Variants in TENM3 observed in about 807,000 individuals in gnomAD.
The protein encoded by TENM3 is teneurin transmembrane protein 3.
In TENM3, 63 loss-of-function variants were observed where a neutral mutation model predicts 255.1. The observed-to-expected ratio is 0.25, with a 90% CI of 0.20 to 0.30. The LOEUF is 0.30. Ranked by LOEUF, TENM3 falls within the 10% of genes least tolerant of loss-of-function variation. The pLI, the probability that TENM3 is intolerant of heterozygous loss-of-function variation, is 1.00. For missense variants in TENM3, 2,929 were observed against 3,461.1 expected, an observed-to-expected ratio of 0.85 and a Z score of 3.86; for synonymous variants, 1,306 against 1,322.3, an observed-to-expected ratio of 0.99 and a Z score of 0.27.
chr4:182,021,803 T>G, the TENM3 span, among the ~76,000 whole-genome samples: 1 of 152,186 alleles, frequency 6.6e-6, no homozygotes, highest in Non-Finnish European at 1.5e-5. Flanking sequence ...ATCTTGTACT[T>G]TCTCTCTTCA....
the TENM3 span, among the ~76,000 whole-genome samples, chr4:181,541,216 A>G: frequency 6.6e-6 from 1 of 152,066 alleles, no homozygotes; most frequent in Non-Finnish European, 1.5e-5. Flanking sequence ...TCTACAAAAA[A>G]TAAAAATTAA....
chr4:182,257,752 G>A (rs1020520152), intron 1 of TENM3, among the ~76,000 whole-genome samples: 8 of 152,120 alleles, frequency 5.3e-5, no homozygotes, highest in African/African-American at 1.4e-4. Context: ...TCATTTTACT[G>A]AAGAGAAATG....
chr4:181,754,953 C>T, the TENM3 span, among the ~76,000 whole-genome samples: 1 of 152,076 alleles, frequency 6.6e-6, no homozygotes, highest in Non-Finnish European at 1.5e-5. Flanking sequence ...ATCAAGGTCA[C>T]GTGTTTTGTT....
intron 7 of TENM3, among the ~76,000 whole-genome samples, chr4:182,679,450 G>A (rs1187826524): frequency 1.3e-5 from 2 of 152,142 alleles, no homozygotes; most frequent in African/African-American, 2.4e-5. Flanking sequence ...GGAAAAAAAT[G>A]GTCCCTGATG....
intron 18 of TENM3, among the ~76,000 whole-genome samples, chr4:182,738,978 G>T (rs1761396289): frequency 6.6e-6 from 1 of 151,928 alleles, no homozygotes; most frequent in Admixed American, 6.6e-5. Flanking sequence ...AAAAAATCAT[G>T]TGACTTCACC....
chr4:182,065,904 A>G, the TENM3 span, among the ~76,000 whole-genome samples: 1 of 152,228 alleles, frequency 6.6e-6, no homozygotes. Flanking sequence ...GCTGCTAGCT[A>G]GGACTGTGAT....
At chr4:182,048,363 G>T in the TENM3 span, among the ~76,000 whole-genome samples, 8 of 151,598 alleles carry the variant, frequency 5.3e-5, no homozygotes, top group Non-Finnish European at 1.5e-5. Context: ...TTCTTTTCTC[G>T]TTTTCCTAAG....
chr4:182,359,804 T>G (rs1765832892), intron 3 of TENM3, among the ~76,000 whole-genome samples: 1 of 152,102 alleles, frequency 6.6e-6, no homozygotes, highest in Non-Finnish European at 1.5e-5. Context: ...TTCTTTTAAT[T>G]GTGATGTTAG....
intron 1 of TENM3, among the ~76,000 whole-genome samples, chr4:182,176,171 G>A (rs1033166502): frequency 9.2e-5 from 14 of 151,858 alleles, no homozygotes; most frequent in Admixed American, 3.9e-4. Context: ...GTAGGGCCTC[G>A]TCTATAGAAG....
In TENM3 at chr4:182,379,351, C is replaced by T. The variant is rs139485220; in HGVS notation, c.511+32422C>T. 7.0e-3 allele frequency among the ~76,000 whole-genome samples: 1,058 copies of T among 152,050 alleles called. 10 individuals carry two copies. The highest frequency in any genetic ancestry group is 0.025 in the African/African-American group (1,018 of 41,454). ...CAGCCTGGGCAATAGAGCGAGACTC[C>T]GTCTAAGAAAGAAAAAAGGGTATTG... On this transcript the variant is annotated intron_variant, in intron 3 of 27. Transcript: ENST00000511685.
chr4:181,747,875 C>T, the TENM3 span, among the ~76,000 whole-genome samples: 1 of 151,892 alleles, frequency 6.6e-6, no homozygotes, highest in South Asian at 2.1e-4. Context: ...AAATAGTTAA[C>T]TAGTTTTTTA....
the TENM3 span, among the ~76,000 whole-genome samples, chr4:181,888,202 G>T: frequency 4.0e-5 from 6 of 151,692 alleles, no homozygotes; most frequent in East Asian, 9.8e-4. Flanking sequence ...GCTAATTTTC[G>T]TATTTTTAGT....
chr4:181,465,378 T>G, the TENM3 span, among the ~76,000 whole-genome samples: 78,917 of 151,842 alleles, frequency 0.52, 21,310 homozygotes, highest in African/African-American at 0.65. Context: ...ACATTCTTCA[T>G]ACAGTTATCA....
At chr4:181,485,481 A>ATT in the TENM3 span, among the ~76,000 whole-genome samples, 48,600 of 150,794 alleles carry the variant, frequency 0.32, 7,959 homozygotes, top group Admixed American at 0.37. Flanking sequence ...GTAGAAGAAG[A>ATT]TTTTTTTTAA....
chr4:182,794,243 G>A (rs1479892975), intron 26 of TENM3, among the ~76,000 whole-genome samples: 1 of 152,140 alleles, frequency 6.6e-6, no homozygotes, highest in Non-Finnish European at 1.5e-5. Context: ...AGCTCTGTAA[G>A]CAAGCCATAT....
chr4:182,461,973 T>A (rs1288796398), intron 3 of TENM3, among the ~76,000 whole-genome samples: 1 of 152,142 alleles, frequency 6.6e-6, no homozygotes, highest in African/African-American at 2.4e-5. Context: ...CTTTGTCAAC[T>A]CTTGTCAACT....
In TENM3 at chr4:182,743,337, G is replaced by T; in HGVS notation, c.3547G>T (p.Asp1183Tyr). Residue 1183 changes from aspartate (D) to tyrosine (Y), a missense_variant, in exon 19 of 28, where the codon GAT becomes TAT. Transcript: ENST00000511685. The part of the protein sequence containing the change: ...LAPVALACGI[D>Y]GSLYVGDFNY... ...CCCAGTGGCGCTAGCTTGTGGGATCGATGGCAGTCTGTACGTAGGCGATTT... is the reference window on the plus strand; with the variant it reads ...CCCAGTGGCGCTAGCTTGTGGGATCTATGGCAGTCTGTACGTAGGCGATTT... The T allele has an allele frequency of 1.2e-6, 2 of 1,613,980 alleles. No individual in the cohort carries two copies. Among genetic ancestry groups the T allele is most frequent in the Non-Finnish European group, 1.7e-6 (2 of 1,179,878 alleles).
chr4:182,023,081 A>G, the TENM3 span, among the ~76,000 whole-genome samples: 1 of 152,256 alleles, frequency 6.6e-6, no homozygotes, highest in Non-Finnish European at 1.5e-5. Flanking sequence ...ATCTAGGTCA[A>G]CAAGACGGGG....
rs1742489470 is a variant in TENM3, at chr4:182,555,445, AT to A, written c.512-45471del. ...TAGAAGTAGCAGTGGATGCTTTAAA[AT>A]TTTTTTTCAATATATTTAAACAAAA... On this transcript the variant is annotated intron_variant, in intron 3 of 27. Transcript: ENST00000511685. Among the ~76,000 whole-genome samples, 5 of 152,154 alleles carry A rather than the reference AT, an allele frequency of 3.3e-5. No homozygotes were observed. In the South Asian group the frequency reaches 6.2e-4, roughly 19 times the overall value.
Sources: allele counts gnomAD v4.1 joint callset (sites outside exome capture counted in the v4.1 genomes callset), GRCh38; gene constraint gnomAD v4.1.1; transcripts MANE v1.5; gene names NCBI Gene and HGNC (gene_info 2026-07-23, HGNC 2026-07-21).